The following SCPEP1 variants were observed in gnomAD, a reference collection of about 807,000 sequenced individuals.
SCPEP1 encodes the protein retinoid-inducible serine carboxypeptidase.
Under a neutral mutation model 63.8 loss-of-function variants are expected in SCPEP1, and 51 were observed. That is an observed-to-expected ratio of 0.80 (90% CI 0.64 to 1.01). The LOEUF is 1.01. SCPEP1 is among the 50% of genes least tolerant of loss of function. SCPEP1 has a pLI of 0.00. For synonymous variants in SCPEP1, 204 were observed against 207.8 expected, an observed-to-expected ratio of 0.98 and a Z score of 0.16; for missense variants, 499 against 554.9, an observed-to-expected ratio of 0.90 and a Z score of 1.01.
chr17:57,000,053 G>A (rs1911693026), intron 10 of SCPEP1, among the ~76,000 whole-genome samples: 1 of 152,106 alleles, frequency 6.6e-6, no homozygotes, highest in African/African-American at 2.4e-5. Context: ...GGGAGGCTGA[G>A]GTGGGAGGAT....
chr17:56,993,974 G>A lies in SCPEP1; in HGVS notation c.620-1007G>A, dbSNP rs532740686. On this transcript the variant is annotated intron_variant, in intron 6 of 12. Coordinates refer to ENST00000262288, the MANE Select transcript of SCPEP1 (RefSeq NM_021626.3). ...AGAAACAAGTTTGAAGGTTAAGCCC[G>A]GGAGGTGATTAACAGCTAGGCCACG... Among the ~76,000 whole-genome samples the A allele has an allele frequency of 2.3e-4, 35 of 152,348 alleles. No homozygotes were observed. In the South Asian group the frequency reaches 5.8e-3, roughly 25 times the overall value.
intron 8 of SCPEP1, among the ~76,000 whole-genome samples, chr17:56,996,258 G>A (rs1217397198): frequency 2.6e-5 from 4 of 151,958 alleles, no homozygotes; most frequent in African/African-American, 4.8e-5. Context: ...AGGCTGGAGT[G>A]CAATGGCACA....
At chr17:57,002,874 CAAAAAAAA>C (rs59205865) in intron 12 of SCPEP1, among the ~76,000 whole-genome samples, 2 of 107,120 alleles carry the variant, frequency 1.9e-5, no homozygotes, top group South Asian at 3.2e-4. Context: ...GACCCTGTCT[CAAAAAAAA>C]AAAAAAAAAG....
In SCPEP1 at chr17:56,985,406, T is replaced by G; in HGVS notation, c.254T>G (p.Phe85Cys). 1 of 1,614,234 alleles carries G rather than the reference T, an allele frequency of 6.2e-7. No individual in the cohort carries two copies. Among genetic ancestry groups the G allele is most frequent in the Non-Finnish European group, 8.5e-7 (1 of 1,180,032 alleles). The part of the protein sequence containing the change: ...QGGPGGSSTG[F>C]GNFEEIGPLD... ...GGTCCAGGCGGTTCTAGCACTGGAT[T>G]TGGAAACTTTGAGGAAATTGGGCCC... is the stretch of plus-strand genomic sequence containing the variant. The change falls in exon 3 of 13, where the codon TTT becomes TGT. Residue 85 changes from phenylalanine (F) to cysteine (C), a missense_variant. Phe to Cys is a radical substitution (Grantham distance 205). Coordinates refer to ENST00000262288, the MANE Select transcript of SCPEP1 (RefSeq NM_021626.3).
chr17:56,985,502 C>G (rs778577562), intron 3 of SCPEP1, 35 bp downstream of exon 3: 3 of 1,547,842 alleles, frequency 1.9e-6, no homozygotes, highest in South Asian at 1.1e-5. Flanking sequence ...AAACCTTGCC[C>G]CGTGGCCTCT....
intron 5 of SCPEP1, among the ~76,000 whole-genome samples, chr17:56,990,340 G>A (rs1269913104): frequency 1.3e-5 from 2 of 152,006 alleles, no homozygotes; most frequent in African/African-American, 4.8e-5. Context: ...CTTAAATAAG[G>A]GTTTTTTTTA....
At chr17:56,985,572 T>G in intron 3 of SCPEP1, 105 bp downstream of exon 3, 1 of 849,416 alleles carries the variant, frequency 1.2e-6, no homozygotes, top group Non-Finnish European at 2.0e-6. Context: ...GCTGTCCTTT[T>G]CCTTTTCCTG....
At chr17:56,981,970 C>CCTT (rs1242358713) in intron 2 of SCPEP1, among the ~76,000 whole-genome samples, 1 of 152,228 alleles carries the variant, frequency 6.6e-6, no homozygotes, top group Non-Finnish European at 1.5e-5. Context: ...CTGCTACAAG[C>CCTT]CTTCTGCACC....
Position 57,002,247 on chromosome 17 carries a change from T to C in SCPEP1, c.1296+66T>C, listed in dbSNP as rs1911762054. The stretch of plus-strand genomic sequence containing the variant: ...AGAGGGAAGCCACAGGCGGTTATTA[T>C]GCCTCTGTCCACTGCCCAGGTGGGT... On this transcript the variant is annotated intron_variant, in intron 12 of 12. Coordinates refer to ENST00000262288, the MANE Select transcript of SCPEP1 (RefSeq NM_021626.3). The C allele has an allele frequency of 4.6e-6, 7 of 1,523,596 alleles. 1 individual carries two copies. In the East Asian group the frequency reaches 1.6e-4, roughly 34 times the overall value. 94.4% of individuals were successfully genotyped at this position (1,523,596 alleles called of 1,614,324 possible). A position where few individuals can be genotyped will look rare whatever the true frequency, so the allele number is the denominator to read the frequency against.
intron 6 of SCPEP1, among the ~76,000 whole-genome samples, chr17:56,994,457 A>G (rs1242034597): frequency 6.6e-6 from 1 of 152,210 alleles, no homozygotes; most frequent in Non-Finnish European, 1.5e-5. Flanking sequence ...TAAATTCTCA[A>G]TATGTTTGTG....
intron 8 of SCPEP1, among the ~76,000 whole-genome samples, chr17:56,996,138 C>T (rs955680478): frequency 5.3e-5 from 8 of 152,170 alleles, no homozygotes; most frequent in Non-Finnish European, 1.0e-4. Context: ...TGGGCTGACA[C>T]AGCTGGTTTC....
At chr17:56,997,374 A>G (rs990695862) in intron 9 of SCPEP1, among the ~76,000 whole-genome samples, 1 of 152,212 alleles carries the variant, frequency 6.6e-6, no homozygotes, top group African/African-American at 2.4e-5. Context: ...TATAAATACA[A>G]TCGCACAATA....
chr17:56,983,629 A>G (rs1214432052), intron 2 of SCPEP1: 1 of 152,190 alleles, frequency 6.6e-6, no homozygotes, highest in Non-Finnish European at 1.5e-5. Context: ...ACTGCGGTTA[A>G]CATCTTCATC....
Position 56,981,080 on chromosome 17 carries a change from A to G in SCPEP1, c.77-2A>G. 1 of 1,614,132 alleles carries G rather than the reference A, an allele frequency of 6.2e-7. No homozygotes were observed. Among genetic ancestry groups the G allele is most frequent in the Non-Finnish European group, 8.5e-7 (1 of 1,179,986 alleles). On this transcript the variant is annotated splice_acceptor_variant, in intron 1 of 12. Coordinates refer to ENST00000262288, the MANE Select transcript of SCPEP1 (RefSeq NM_021626.3). LOFTEE classifies it high-confidence loss of function. Reference sequence around the variant, plus strand: ...GAGAGTGAAATTGAACTTCTGTTTCAGGAGCTGTCATTGACTGGCCCACAG... The same window carrying G: ...GAGAGTGAAATTGAACTTCTGTTTCGGGAGCTGTCATTGACTGGCCCACAG...
intron 2 of SCPEP1, chr17:56,983,547 A>G (rs1911125579): frequency 6.6e-6 from 1 of 152,240 alleles, no homozygotes; most frequent in Non-Finnish European, 1.5e-5. Flanking sequence ...TAGATGTGGT[A>G]TGGTTGCCTA....
chr17:56,992,366 C>G (rs893477405), intron 6 of SCPEP1, among the ~76,000 whole-genome samples: 2 of 152,126 alleles, frequency 1.3e-5, no homozygotes, highest in South Asian at 4.2e-4. Context: ...TCTGTCTTTC[C>G]TTCCTGGATG....
intron 6 of SCPEP1, among the ~76,000 whole-genome samples, chr17:56,991,660 G>T (rs1315600067): frequency 6.6e-6 from 1 of 152,206 alleles, no homozygotes; most frequent in Non-Finnish European, 1.5e-5. Context: ...TTGTAATTGA[G>T]CATCCGTGTT....
intron 12 of SCPEP1, among the ~76,000 whole-genome samples, chr17:57,004,208 A>AGAGT (rs1419550516): frequency 6.6e-6 from 1 of 152,236 alleles, no homozygotes; most frequent in Non-Finnish European, 1.5e-5. Flanking sequence ...CCTGGGCAAC[A>AGAGT]GAGTGAGACT....
At chr17:56,985,958 T>C (rs1468033661) in intron 3 of SCPEP1, among the ~76,000 whole-genome samples, 2 of 151,838 alleles carry the variant, frequency 1.3e-5, no homozygotes, top group Admixed American at 6.6e-5. Context: ...CCCATATCCT[T>C]CTCCCTTTAC....
Sources: gnomAD v4.1 joint callset for allele counts (sites outside exome capture counted in the v4.1 genomes callset) on GRCh38, gnomAD v4.1.1 for gene constraint, MANE v1.5 for transcripts, NCBI Gene and HGNC (gene_info 2026-07-23, HGNC 2026-07-21) for gene names.